TUB: variants seen among roughly 807,000 people sequenced by gnomAD.
TUB encodes TUB bipartite transcription factor, also known as tubby protein homolog.
A neutral mutation model predicts 59.7 loss-of-function variants in TUB; 33 were observed. That is an observed-to-expected ratio of 0.55 (90% CI 0.42 to 0.74). The LOEUF (loss-of-function observed/expected upper bound fraction) is 0.74, where lower values mean the gene tolerates loss of function less well. TUB is among the 30% of genes least tolerant of loss of function. The pLI, the probability that TUB is intolerant of heterozygous loss-of-function variation, is 0.00. For synonymous variants in TUB, 293 were observed against 256.4 expected, an observed-to-expected ratio of 1.14 and a Z score of -1.36; for missense variants, 659 against 672.0, an observed-to-expected ratio of 0.98 and a Z score of 0.21.
At chr11:8,054,445 GGA>G (rs139244652) in intron 2 of TUB, among the ~76,000 whole-genome samples, 119 of 149,434 alleles carry the variant, frequency 8.0e-4, no homozygotes, top group African/African-American at 1.9e-3. Context: ...GGCAAGGGCT[GGA>G]GAGAGAGAGA....
intron 2 of TUB, among the ~76,000 whole-genome samples, chr11:8,063,953 G>A (rs2133780400): frequency 6.6e-6 from 1 of 152,242 alleles, no homozygotes; most frequent in South Asian, 2.1e-4. Flanking sequence ...TAATGCCGTT[G>A]TTTCAATGAT....
At chr11:8,049,532 A>G (rs534569447) in intron 2 of TUB, among the ~76,000 whole-genome samples, 287 of 146,114 alleles carry the variant, frequency 2.0e-3, no homozygotes, top group African/African-American at 6.9e-3. Flanking sequence ...CCTTCACAGC[A>G]CCTTTTAGAA....
chr11:8,072,706 A>G (rs1032867182), intron 2 of TUB, among the ~76,000 whole-genome samples: 1 of 152,162 alleles, frequency 6.6e-6, no homozygotes, highest in Non-Finnish European at 1.5e-5. Flanking sequence ...GTTGTCTCCA[A>G]TCAACAGATG....
chr11:8,099,012 G>T, intron 9 of TUB, 137 bp downstream of exon 9: 4 of 702,736 alleles, frequency 5.7e-6, no homozygotes, highest in Non-Finnish European at 1.0e-5. Flanking sequence ...TCTGTGGAGT[G>T]TTCCTGGCCT....
intron 1 of TUB, among the ~76,000 whole-genome samples, chr11:8,031,505 T>C (rs1214453997): frequency 6.6e-6 from 1 of 152,196 alleles, no homozygotes; most frequent in Non-Finnish European, 1.5e-5. Flanking sequence ...CAGTGAGCTG[T>C]GGTGGGGTAG....
intron 2 of TUB, among the ~76,000 whole-genome samples, chr11:8,064,901 G>A (rs1174945515): frequency 6.6e-6 from 1 of 152,190 alleles, no homozygotes; most frequent in African/African-American, 2.4e-5. Context: ...GCAAACTTGG[G>A]AACAAATAAG....
At chr11:8,056,435 CAT>C (rs910715550) in intron 2 of TUB, among the ~76,000 whole-genome samples, 1 of 151,956 alleles carries the variant, frequency 6.6e-6, no homozygotes. Flanking sequence ...ATGATGGGCA[CAT>C]GTGTGTGGTG....
Position 8,055,352 on chromosome 11 carries a change from G to A in TUB, c.203+15660G>A, listed in dbSNP as rs192056629. Among the ~76,000 whole-genome samples, 8 of 152,294 alleles carry A rather than the reference G, an allele frequency of 5.3e-5. No homozygotes were observed. The East Asian group carries it at 1.4e-3, about 26-fold the overall frequency. Reference sequence around the variant, plus strand: ...TTACTCTGGATTATCGCTGGGTGGCGCTGTAAGAAGGGGTGTACCCCTGAG... The same window carrying A: ...TTACTCTGGATTATCGCTGGGTGGCACTGTAAGAAGGGGTGTACCCCTGAG... On this transcript the variant is annotated intron_variant, in intron 2 of 12. Coordinates refer to the TUB transcript ENST00000305253.
At chr11:8,065,402 T>C (rs1269827470) in intron 2 of TUB, among the ~76,000 whole-genome samples, 1 of 152,110 alleles carries the variant, frequency 6.6e-6, no homozygotes, top group African/African-American at 2.4e-5. Flanking sequence ...TAAGAAGTGG[T>C]TTCGTGTGAG....
intron 1 of TUB, among the ~76,000 whole-genome samples, chr11:8,032,238 A>G (rs1158183192): frequency 6.6e-6 from 1 of 152,114 alleles, no homozygotes; most frequent in African/African-American, 2.4e-5. Flanking sequence ...GACCCTTTAT[A>G]GCCTTGTGAC....
chr11:8,022,873 C>T (rs953255385), intron 1 of TUB, among the ~76,000 whole-genome samples: 11 of 152,170 alleles, frequency 7.2e-5, no homozygotes, highest in African/African-American at 1.4e-4. Context: ...CCAGCCTGGC[C>T]GACAGAGCAA....
In TUB at chr11:8,089,535, G is replaced by C. The variant is rs1943731122; in HGVS notation, c.39-75G>C. The C allele has an allele frequency of 1.9e-6, 3 of 1,574,346 alleles. No homozygotes were observed. In the South Asian group the frequency reaches 3.3e-5, roughly 17 times the overall value. On this transcript the variant is annotated intron_variant, in intron 1 of 11. Coordinates refer to ENST00000299506, the MANE Select transcript of TUB (RefSeq NM_177972.3). ...GGATGGGTTTAACGGGCCCAGATAT[G>C]CTGGGGGTGGGCTCTGGGCTGTATA... is the stretch of plus-strand genomic sequence containing the variant.
chr11:8,030,631 G>A (rs909119105), intron 1 of TUB, among the ~76,000 whole-genome samples: 17 of 152,186 alleles, frequency 1.1e-4, no homozygotes, highest in African/African-American at 3.9e-4. Context: ...CCATGCTTTT[G>A]TCCTGGGGAG....
chr11:8,050,487 T>C (rs1442112239), intron 2 of TUB, among the ~76,000 whole-genome samples: 1 of 152,250 alleles, frequency 6.6e-6, no homozygotes, highest in East Asian at 1.9e-4. Flanking sequence ...TGGTCTTTTC[T>C]GTCTTTTTAT....
At position 8,094,137 on chromosome 11, in the gene TUB, A is replaced by G. The variant is rs748960520; in HGVS notation, c.345A>G (p.Thr115=). ...ASAKRTKAAA[T]AGGQGGAARK... is the part of the protein sequence containing the mutation. ...CCAAGAGAACCAAGGCGGCAGCTAC[A>G]GCAGGGGGCCAGGGTGGCGCCGCTA... Residue 115 remains threonine (T), a synonymous_variant, in exon 4 of 12, where the codon ACA becomes ACG. Transcript: ENST00000299506. 6.2e-6 allele frequency: 10 copies of G among 1,614,006 alleles called. No individual in the cohort carries two copies. The East Asian group carries it at 8.9e-5, about 14-fold the overall frequency.
chr11:8,033,109 A>C (rs1398772793), intron 1 of TUB, among the ~76,000 whole-genome samples: 1 of 152,206 alleles, frequency 6.6e-6, no homozygotes, highest in Non-Finnish European at 1.5e-5. Context: ...CCTGGGAGAC[A>C]GGGAGCTCCA....
upstream of TUB, among the ~76,000 whole-genome samples, chr11:8,080,668 G>A (rs1004513110): frequency 2.0e-5 from 3 of 152,180 alleles, no homozygotes; most frequent in African/African-American, 7.2e-5. Flanking sequence ...GCAATAGACC[G>A]TAAATGTTCC....
intron 2 of TUB, among the ~76,000 whole-genome samples, chr11:8,057,752 G>A (rs867460459): frequency 3.9e-5 from 6 of 152,072 alleles, no homozygotes; most frequent in Admixed American, 6.5e-5. Flanking sequence ...AACCTTAAAC[G>A]AGGCCTGTTA....
chr11:8,039,502 C>A, intron 1 of TUB: 2 of 635,106 alleles, frequency 3.1e-6, no homozygotes, highest in Non-Finnish European at 5.0e-6. Flanking sequence ...TACCCTGATC[C>A]ATCACGTAAC....
Sources: gnomAD v4.1 joint callset for allele counts (sites outside exome capture counted in the v4.1 genomes callset) on GRCh38, gnomAD v4.1.1 for gene constraint, MANE v1.5 for transcripts, NCBI Gene and HGNC (gene_info 2026-07-23, HGNC 2026-07-21) for gene names.